The following SLC12A6 variants were observed in gnomAD, a reference collection of about 807,000 sequenced individuals.
SLC12A6 encodes solute carrier family 12 member 6.
Under a neutral mutation model 135.3 loss-of-function variants are expected in SLC12A6, and 66 were observed. The observed-to-expected ratio is 0.49, with a 90% confidence interval of 0.40 to 0.60. SLC12A6 has a LOEUF of 0.60. SLC12A6 is among the 20% of genes least tolerant of loss of function. The pLI, the probability that SLC12A6 is intolerant of heterozygous loss-of-function variation, is 0.00. For missense variants in SLC12A6, 1,058 were observed against 1,452.3 expected, an observed-to-expected ratio of 0.73 and a Z score of 4.41; for synonymous variants, 513 against 508.8, an observed-to-expected ratio of 1.01 and a Z score of -0.11.
At chr15:34,275,418 A>G (rs751084927) in intron 2 of SLC12A6, 29 bp from the exon 3 acceptor site, 1 of 1,293,284 alleles carries the variant, frequency 7.7e-7, no homozygotes, top group Non-Finnish European at 1.1e-6. Flanking sequence ...AAAAGAAAAG[A>G]AAAAAATGAA....
intron 5 of SLC12A6, 123 bp downstream of exon 5, chr15:34,258,690 G>C: frequency 1.1e-6 from 1 of 873,578 alleles, no homozygotes; most frequent in Non-Finnish European, 2.0e-6. Flanking sequence ...GCCCAGAACA[G>C]TTCCAGGCAC....
At chr15:34,323,464 C>T (rs368450479) in intron 2 of SLC12A6, among the ~76,000 whole-genome samples, 1 of 152,136 alleles carries the variant, frequency 6.6e-6, no homozygotes, top group South Asian at 2.1e-4. Flanking sequence ...CTCATAGGAG[C>T]GCCAACCCTA....
chr15:34,243,684 G>A (rs1273987952), intron 16 of SLC12A6, among the ~76,000 whole-genome samples: 1 of 152,112 alleles, frequency 6.6e-6, no homozygotes. Context: ...GAGACAAACA[G>A]GAAAATAAAC....
chr15:34,263,839 A>AG (rs1893320107), intron 3 of SLC12A6, among the ~76,000 whole-genome samples: 1 of 152,198 alleles, frequency 6.6e-6, no homozygotes, highest in South Asian at 2.1e-4. Flanking sequence ...GCCAAACTGA[A>AG]GGGGTTCCCA....
intron 3 of SLC12A6, among the ~76,000 whole-genome samples, chr15:34,268,934 G>A (rs1893714269): frequency 6.6e-6 from 1 of 151,404 alleles, no homozygotes; most frequent in African/African-American, 2.4e-5. Flanking sequence ...TCAGCAGACT[G>A]CGACCTCCGC....
At position 34,275,390 on chromosome 15, in the gene SLC12A6, C is replaced by A; in HGVS notation, c.272-1G>T. 1 of 1,498,248 alleles carries A rather than the reference C, an allele frequency of 6.7e-7. No individual in the cohort carries two copies. The highest frequency in any genetic ancestry group is 1.1e-5 in the South Asian group (1 of 88,304). The allele number at this position is 1,498,248 out of a possible 1,614,324, so 92.8% of individuals were successfully genotyped here. Reference sequence around the variant, plus strand: ...CCTGTGATGGAGTTCTGACTCAGGTCTGAAAAACAAACAATTGAAAAGAAA... The same window carrying A: ...CCTGTGATGGAGTTCTGACTCAGGTATGAAAAACAAACAATTGAAAAGAAA... On this transcript the variant is annotated splice_acceptor_variant, in intron 2 of 25. Coordinates refer to ENST00000354181, the MANE Select transcript of SLC12A6 (RefSeq NM_001365088.1). LOFTEE classifies it high-confidence loss of function.
chr15:34,297,352 A>G (rs28608058), intron 2 of SLC12A6, among the ~76,000 whole-genome samples: 5,987 of 152,060 alleles, frequency 0.039, 230 homozygotes, highest in African/African-American at 0.099. Flanking sequence ...TTAAATAAAC[A>G]CAAAGATGAT....
At chr15:34,259,068 A>C in intron 4 of SLC12A6, 124 bp from the exon 5 acceptor site, 1 of 744,852 alleles carries the variant, frequency 1.3e-6, no homozygotes, top group East Asian at 3.0e-5. Context: ...GGCCGGGTGC[A>C]GTGGCTCACA....
At position 34,239,116 on chromosome 15, in the gene SLC12A6, G is replaced by A; in HGVS notation, c.2481C>T (p.Cys827=). ...TCAGCTTGGCGGCCACCACCAGCTG[G>A]CAGAATCCTTTTACCTTCTCTGCCT... ...LMEAEKVKGF[C]QLVVAAKLRE... is the part of the protein sequence containing the mutation. Residue 827 remains cysteine, a synonymous_variant, in exon 20 of 26, where the codon TGC becomes TGT. Transcript: ENST00000354181. The A allele has an allele frequency of 1.9e-6, 3 of 1,614,012 alleles. No individual in the cohort carries two copies. The highest frequency in any genetic ancestry group is 8.5e-7 in the Non-Finnish European group (1 of 1,179,906).
At chr15:34,258,778 C>T (rs1335857729) in intron 5 of SLC12A6, 35 bp downstream of exon 5, 8 of 1,579,322 alleles carry the variant, frequency 5.1e-6, no homozygotes, top group African/African-American at 2.7e-5. Context: ...ATACAGGGCT[C>T]TTTCTATGTA....
At chr15:34,320,625 G>GA (rs1889008785) in intron 2 of SLC12A6, among the ~76,000 whole-genome samples, 1 of 142,850 alleles carries the variant, frequency 7.0e-6, no homozygotes, top group Admixed American at 7.0e-5. Flanking sequence ...TTTTTTTAAA[G>GA]AAAAAGCTAG....
At chr15:34,306,341 C>A (rs757589910) in intron 2 of SLC12A6, among the ~76,000 whole-genome samples, 3 of 151,778 alleles carry the variant, frequency 2.0e-5, no homozygotes, top group Non-Finnish European at 1.5e-5. Flanking sequence ...CTTACATATG[C>A]CAGCCACAGG....
intron 2 of SLC12A6, among the ~76,000 whole-genome samples, chr15:34,332,395 A>G (rs1889909005): frequency 6.6e-6 from 1 of 152,210 alleles, no homozygotes; most frequent in Non-Finnish European, 1.5e-5. Context: ...TAGAAACTAT[A>G]TGTTACCTGT....
intron 4 of SLC12A6, among the ~76,000 whole-genome samples, chr15:34,260,245 A>C (rs555539221): frequency 2.6e-5 from 4 of 152,310 alleles, no homozygotes; most frequent in Non-Finnish European, 5.9e-5. Flanking sequence ...GGTCCTGCTA[A>C]TCTGGAAGCC....
intron 2 of SLC12A6, among the ~76,000 whole-genome samples, chr15:34,317,926 AAAT>A (rs1443143675): frequency 6.6e-6 from 1 of 152,208 alleles, no homozygotes; most frequent in African/African-American, 2.4e-5. Context: ...CATTTAAAGA[AAAT>A]AATAGGGATA....
At chr15:34,292,894 T>C (rs347816) in intron 2 of SLC12A6, among the ~76,000 whole-genome samples, 8,497 of 152,230 alleles carry the variant, frequency 0.056, 767 homozygotes, top group African/African-American at 0.19. Flanking sequence ...GGCAGGAGTG[T>C]ACCACTCCTC....
chr15:34,291,407 G>A (rs969790309), intron 2 of SLC12A6, among the ~76,000 whole-genome samples: 11 of 152,068 alleles, frequency 7.2e-5, no homozygotes, highest in Non-Finnish European at 1.0e-4. Context: ...CTCTGGCTGT[G>A]CTTAACATTT....
chr15:34,244,112 G>T (rs748521526), intron 15 of SLC12A6, 40 bp from the exon 16 acceptor site: 3 of 1,121,918 alleles, frequency 2.7e-6, no homozygotes, highest in Non-Finnish European at 4.1e-6. Context: ...ATTACTGGAA[G>T]ATGATTCTTT....
At chr15:34,264,548 A>G (rs1010731501) in intron 3 of SLC12A6, among the ~76,000 whole-genome samples, 1 of 152,238 alleles carries the variant, frequency 6.6e-6, no homozygotes, top group Non-Finnish European at 1.5e-5. Flanking sequence ...GATAAAAGAG[A>G]CTTAAAAGAC....
Sources: allele counts gnomAD v4.1 joint callset (sites outside exome capture counted in the v4.1 genomes callset), GRCh38; gene constraint gnomAD v4.1.1; transcripts MANE v1.5; gene names NCBI Gene and HGNC (gene_info 2026-07-23, HGNC 2026-07-21).